ESRRG: variants seen among roughly 807,000 people sequenced by gnomAD.
ESRRG encodes estrogen-related receptor gamma.
In ESRRG, 13 loss-of-function variants were observed where a neutral mutation model predicts 44.0. The observed-to-expected ratio is 0.30, with a 90% CI of 0.19 to 0.47. The LOEUF is 0.47. ESRRG is among the 20% of genes least tolerant of loss of function. ESRRG has a pLI of 1.00. For synonymous variants in ESRRG, 215 were observed against 214.6 expected (o/e 1.00, Z -0.02); for missense variants, 395 against 580.6 (o/e 0.68, Z 3.29).
rs546711533 is a variant in ESRRG, at chr1:216,528,987, A to T, written c.863-9566T>A. ...GATTAGACAGTTACAAACAGCAAGG[A>T]GGGTTCTTGTCTGTTATGTCCTTTC... On this transcript the variant is annotated intron_variant, in intron 5 of 6. Transcript: ENST00000408911. Among the ~76,000 whole-genome samples, 31 of 152,262 alleles carry T rather than the reference A, an allele frequency of 2.0e-4. 1 individual carries two copies. The South Asian group carries it at 5.6e-3, about 27-fold the overall frequency.
intron 1 of ESRRG, among the ~76,000 whole-genome samples, chr1:217,074,444 A>AGC (rs2091000115): frequency 9.8e-6 from 1 of 102,496 alleles, no homozygotes; most frequent in Non-Finnish European, 1.9e-5. Context: ...TCAGAAATCC[A>AGC]CCCCCCCCAA....
In ESRRG at chr1:216,840,088, G is replaced by A. The variant is rs149331332; in HGVS notation, c.-14+99494C>T. Among the ~76,000 whole-genome samples, 491 of 152,256 alleles carry A rather than the reference G, an allele frequency of 3.2e-3. 2 individuals carry two copies. Among genetic ancestry groups the A allele is most frequent in the African/African-American group, 0.011 (476 of 41,554 alleles). On this transcript the variant is annotated intron_variant, in intron 2 of 7. Transcript: ENST00000359162. ...CATTGATTTCTCCTTTCTATTAATA[G>A]CTAGGAAAATCCTAGATGGCACCTT...
chr1:217,051,604 T>C (rs916435675), intron 1 of ESRRG, among the ~76,000 whole-genome samples: 1 of 152,174 alleles, frequency 6.6e-6, no homozygotes, highest in African/African-American at 2.4e-5. Context: ...ACTGCTCCAT[T>C]TTCTGTATTA....
At chr1:217,072,340 C>T (rs2151455600) in intron 1 of ESRRG, among the ~76,000 whole-genome samples, 1 of 152,314 alleles carries the variant, frequency 6.6e-6, no homozygotes. Flanking sequence ...TTGAAAACCA[C>T]TGAGCTACAC....
At chr1:216,870,220 T>A (rs1559930242) in intron 2 of ESRRG, among the ~76,000 whole-genome samples, 1 of 152,008 alleles carries the variant, frequency 6.6e-6, no homozygotes, top group South Asian at 2.1e-4. Flanking sequence ...CAAACATTTT[T>A]TCTGCATCAA....
At chr1:216,855,799 T>G (rs967364358) in intron 2 of ESRRG, among the ~76,000 whole-genome samples, 3 of 152,200 alleles carry the variant, frequency 2.0e-5, no homozygotes, top group Non-Finnish European at 4.4e-5. Context: ...ACACGCCTTG[T>G]GACAGTTCCC....
chr1:216,568,991 T>C (rs1034983177), intron 3 of ESRRG, among the ~76,000 whole-genome samples: 1 of 150,820 alleles, frequency 6.6e-6, no homozygotes, highest in African/African-American at 2.4e-5. Context: ...GAGGCGGAGG[T>C]TGCAGTGAAC....
chr1:217,097,325 A>C (rs830307), intron 1 of ESRRG, among the ~76,000 whole-genome samples: 88,602 of 152,022 alleles, frequency 0.58, 26,392 homozygotes, highest in East Asian at 0.7. Context: ...AAAACTCCTA[A>C]ATTTACTGTT....
intron 1 of ESRRG, among the ~76,000 whole-genome samples, chr1:217,117,063 A>G (rs1405330540): frequency 6.6e-5 from 10 of 152,226 alleles, no homozygotes; most frequent in Admixed American, 6.5e-4. Context: ...AATATAAATA[A>G]TAACAGCATA....
intron 1 of ESRRG, among the ~76,000 whole-genome samples, chr1:216,706,126 C>T (rs182859730): frequency 3.4e-4 from 52 of 152,206 alleles, no homozygotes; most frequent in Admixed American, 2.0e-3. Context: ...TTTAAGACTA[C>T]GGTGAAGGTT....
At chr1:216,997,086 C>A (rs1335387380) in intron 1 of ESRRG, among the ~76,000 whole-genome samples, 1 of 151,728 alleles carries the variant, frequency 6.6e-6, no homozygotes, top group Non-Finnish European at 1.5e-5. Flanking sequence ...ATGCCAAAAA[C>A]GTGGAGAAGA....
chr1:216,955,105 T>A (rs1006044887), intron 1 of ESRRG, among the ~76,000 whole-genome samples: 1 of 152,168 alleles, frequency 6.6e-6, no homozygotes, highest in African/African-American at 2.4e-5. Flanking sequence ...TTATTATTAA[T>A]GATATCTAAC....
At chr1:216,661,110 T>G (rs2072252956) in intron 2 of ESRRG, among the ~76,000 whole-genome samples, 1 of 152,192 alleles carries the variant, frequency 6.6e-6, no homozygotes, top group Non-Finnish European at 1.5e-5. Context: ...TTCAATGTTT[T>G]TAGTTCTGAT....
chr1:216,580,573 G>T (rs1030349340), intron 3 of ESRRG, among the ~76,000 whole-genome samples: 6 of 152,150 alleles, frequency 3.9e-5, no homozygotes, highest in African/African-American at 1.4e-4. Context: ...ATCATAGATT[G>T]CTATACTTGG....
chr1:216,613,689 CT>C (rs1435183911), intron 3 of ESRRG, among the ~76,000 whole-genome samples: 1 of 152,182 alleles, frequency 6.6e-6, no homozygotes, highest in Non-Finnish European at 1.5e-5. Flanking sequence ...GCTTAGAAAA[CT>C]TCAGGTTACA....
chr1:216,879,294 CAAACA>C (rs2096404873), intron 2 of ESRRG, among the ~76,000 whole-genome samples: 1 of 151,952 alleles, frequency 6.6e-6, no homozygotes, highest in Non-Finnish European at 1.5e-5. Flanking sequence ...AAAGAACAAA[CAAACA>C]AAACAGTGCT....
intron 1 of ESRRG, among the ~76,000 whole-genome samples, chr1:216,995,035 A>C (rs1556891): frequency 0.62 from 94,921 of 152,024 alleles, 29,869 homozygotes; most frequent in East Asian, 0.79. Flanking sequence ...AGGGATGTCA[A>C]TCTGGAAGCT....
In ESRRG at chr1:216,505,702, T is replaced by G. The variant is rs1029102810; in HGVS notation, c.*1237A>C. ...ACTCAGAGTCACTGTAGGTGTAATC[T>G]CATCCTTTGTGTCAGTGAACATTTA... On this transcript the variant is annotated 3_prime_UTR_variant, in exon 7 of 7. Coordinates refer to ENST00000408911, the MANE Select transcript of ESRRG (RefSeq NM_001438.4). 6.6e-6 allele frequency: 1 copy of G among 152,640 alleles called. No individual in the cohort carries two copies. 9.5% of individuals were successfully genotyped at this position (152,640 alleles called of 1,614,324 possible). A position where few individuals can be genotyped will look rare whatever the true frequency, so the allele number is the denominator to read the frequency against.
At chr1:216,866,466 T>C (rs1033487306) in intron 2 of ESRRG, among the ~76,000 whole-genome samples, 7 of 152,300 alleles carry the variant, frequency 4.6e-5, no homozygotes, top group African/African-American at 1.4e-4. Context: ...AGATCTACTT[T>C]CTTAAAACAA....
Sources: gnomAD v4.1 joint callset for allele counts (sites outside exome capture counted in the v4.1 genomes callset) on GRCh38, gnomAD v4.1.1 for gene constraint, MANE v1.5 for transcripts, NCBI Gene and HGNC (gene_info 2026-07-23, HGNC 2026-07-21) for gene names.